CYP4X1: variants seen among roughly 807,000 people sequenced by gnomAD.
CYP4X1 encodes cytochrome P450 4X1.
In CYP4X1, 44 loss-of-function variants were observed where a neutral mutation model predicts 57.9. The observed-to-expected ratio is 0.76, with a 90% confidence interval of 0.60 to 0.98. The LOEUF (loss-of-function observed/expected upper bound fraction) is 0.98. CYP4X1 is among the 50% of genes least tolerant of loss of function. CYP4X1 has a pLI of 0.00. For synonymous variants in CYP4X1, 227 were observed against 228.6 expected, an observed-to-expected ratio of 0.99 and a Z score of 0.06; for missense variants, 532 against 623.9, an observed-to-expected ratio of 0.85 and a Z score of 1.57.
the CYP4X1 span, among the ~76,000 whole-genome samples, chr1:46,964,418 G>A: frequency 1.3e-5 from 2 of 152,036 alleles, no homozygotes; most frequent in Non-Finnish European, 2.9e-5. Flanking sequence ...GTGGGGTTTT[G>A]GTGTGGATGT....
At chr1:47,020,595 C>T (rs1387445431), upstream of CYP4X1, among the ~76,000 whole-genome samples, 1 of 152,156 alleles carries the variant, frequency 6.6e-6, no homozygotes, top group Non-Finnish European at 1.5e-5. Flanking sequence ...GCACAGGGGC[C>T]TGGGACACAG....
chr1:46,997,755 T>G, the CYP4X1 span, among the ~76,000 whole-genome samples: 1 of 152,220 alleles, frequency 6.6e-6, no homozygotes, highest in Non-Finnish European at 1.5e-5. Context: ...TAGTTCTATT[T>G]CTAGTTCTTT....
At chr1:46,977,651 A>G in the CYP4X1 span, among the ~76,000 whole-genome samples, 5 of 152,012 alleles carry the variant, frequency 3.3e-5, no homozygotes, top group African/African-American at 9.7e-5. Context: ...CCACGACAAG[A>G]GCACCCCCAA....
chr1:47,036,008 C>T lies in CYP4X1; in HGVS notation c.621-9C>T, dbSNP rs1644176162. 6.2e-7 allele frequency: 1 copy of T among 1,610,198 alleles called. No homozygotes were observed. The highest frequency in any genetic ancestry group is 1.1e-5 in the South Asian group (1 of 90,628). On this transcript the variant is annotated splice_polypyrimidine_tract_variant and intron_variant, in intron 5 of 11. Transcript: ENST00000371901. ...TTTATTAACACATTATCCCAACTTT[C>T]TCTTCTAGCACCCATGATCCTTATG...
chr1:47,030,189 C>T, intron 2 of CYP4X1, 58 bp downstream of exon 2: 1 of 1,547,258 alleles, frequency 6.5e-7, no homozygotes, highest in Non-Finnish European at 8.7e-7. Flanking sequence ...ATGCATAAAA[C>T]CCATAGGCAA....
At chr1:46,979,530 C>T in the CYP4X1 span, among the ~76,000 whole-genome samples, 1 of 152,066 alleles carries the variant, frequency 6.6e-6, no homozygotes, top group Admixed American at 6.5e-5. Context: ...GATTCACAGC[C>T]GAATTCTACC....
At chr1:47,025,897 T>G (rs1403139026) in intron 1 of CYP4X1, among the ~76,000 whole-genome samples, 1 of 152,242 alleles carries the variant, frequency 6.6e-6, no homozygotes, top group Admixed American at 6.5e-5. Flanking sequence ...TCCTGTGTTA[T>G]GTATCTCTAC....
intron 11 of CYP4X1, 44 bp from the exon 12 acceptor site, chr1:47,049,956 A>C (rs1644344391): frequency 1.3e-6 from 2 of 1,585,536 alleles, no homozygotes; most frequent in Admixed American, 3.4e-5. Flanking sequence ...GTCAGAAGAA[A>C]CATCATTTTT....
the CYP4X1 span, among the ~76,000 whole-genome samples, chr1:46,964,407 G>C: frequency 6.6e-6 from 1 of 152,180 alleles, no homozygotes. Context: ...GTGACGTACA[G>C]GTGGGGTTTT....
the CYP4X1 span, among the ~76,000 whole-genome samples, chr1:47,005,127 G>A: frequency 6.6e-6 from 1 of 152,142 alleles, no homozygotes; most frequent in Non-Finnish European, 1.5e-5. Flanking sequence ...GGAATCCTCT[G>A]GACCTCAACC....
chr1:46,997,574 G>A, the CYP4X1 span, among the ~76,000 whole-genome samples: 4 of 152,214 alleles, frequency 2.6e-5, no homozygotes, highest in East Asian at 1.9e-4. Context: ...TTTTTATGGC[G>A]TATATATACT....
At chr1:47,036,535 A>G (rs376445473) in intron 6 of CYP4X1, among the ~76,000 whole-genome samples, 181 of 152,154 alleles carry the variant, frequency 1.2e-3, no homozygotes, top group African/African-American at 4.1e-3. Flanking sequence ...AGGAATGGAG[A>G]GTGGAACAGA....
At chr1:46,975,865 AT>A in the CYP4X1 span, among the ~76,000 whole-genome samples, 1 of 151,884 alleles carries the variant, frequency 6.6e-6, no homozygotes, top group African/African-American at 2.4e-5. Flanking sequence ...CATCAAAAAA[AT>A]TTTTTTTCTT....
chr1:47,009,145 C>G, the CYP4X1 span, among the ~76,000 whole-genome samples: 1 of 152,088 alleles, frequency 6.6e-6, no homozygotes, highest in African/African-American at 2.4e-5. Flanking sequence ...ACACCTATTC[C>G]AAAATTGACC....
At chr1:46,998,466 G>C in the CYP4X1 span, among the ~76,000 whole-genome samples, 2 of 152,052 alleles carry the variant, frequency 1.3e-5, no homozygotes, top group Non-Finnish European at 2.9e-5. Context: ...GTTTCCTATA[G>C]ATTCTAAAAA....
intron 4 of CYP4X1, 62 bp downstream of exon 4, chr1:47,033,430 G>C (rs1460404087): frequency 6.4e-7 from 1 of 1,571,886 alleles, no homozygotes; most frequent in East Asian, 2.3e-5. Context: ...GACAGTATTA[G>C]GTATGTGTTT....
At chr1:46,986,566 CCAAGACATATAATTG>C in the CYP4X1 span, among the ~76,000 whole-genome samples, 19 of 151,902 alleles carry the variant, frequency 1.3e-4, no homozygotes, top group African/African-American at 4.6e-4. Context: ...AAGAGCACCC[CCAAGACATATAATTG>C]TCAGACTCAC....
chr1:47,007,687 T>G, the CYP4X1 span, among the ~76,000 whole-genome samples: 1 of 152,010 alleles, frequency 6.6e-6, no homozygotes, highest in South Asian at 2.1e-4. Context: ...GAAAAAAAAT[T>G]AGACGAATGG....
At chr1:47,029,067 C>A (rs1345464958) in intron 1 of CYP4X1, among the ~76,000 whole-genome samples, 2 of 152,178 alleles carry the variant, frequency 1.3e-5, no homozygotes, top group Non-Finnish European at 2.9e-5. Context: ...CCAGAGTTGT[C>A]CACCTCTCCA....
Sources: gnomAD v4.1 joint callset for allele counts (sites outside exome capture counted in the v4.1 genomes callset) on GRCh38, gnomAD v4.1.1 for gene constraint, MANE v1.5 for transcripts, NCBI Gene and HGNC (gene_info 2026-07-23, HGNC 2026-07-21) for gene names.